The following GIPR variants were observed in gnomAD, a reference collection of about 807,000 sequenced individuals.
GIPR encodes the protein GIP-R.
Under a neutral mutation model 62.2 loss-of-function variants are expected in GIPR, and 74 were observed. The observed-to-expected ratio is 1.19, with a 90% confidence interval of 0.99 to 1.44. The LOEUF (loss-of-function observed/expected upper bound fraction) is 1.44. GIPR is among the 40% of genes most tolerant of loss of function. GIPR has a pLI of 0.00. For missense variants in GIPR, 664 were observed against 611.8 expected (o/e 1.09, Z -0.90); for synonymous variants, 256 against 262.2 (o/e 0.98, Z 0.23).
rs1387402382 is a variant in GIPR at position 45,670,689 on chromosome 19, C to G, written c.127C>G (p.Arg43Gly). 6.2e-7 allele frequency: 1 copy of G among 1,612,996 alleles called. No homozygotes were observed. The highest frequency in any genetic ancestry group is 8.5e-7 in the Non-Finnish European group (1 of 1,179,686). Residue 43 changes from arginine (R) to glycine (G), a missense_variant, in exon 3 of 14, where the codon CGC (arginine) becomes GGC (glycine). By Grantham distance (125) the Arg-to-Gly change is moderately radical. Coordinates refer to ENST00000590918, the MANE Select transcript of GIPR (RefSeq NM_000164.4). ...GCTGTACCAGCGCTGGGAACGGTAC[C>G]GCAGGGAGTGCCAGGAGACCTTGGC... ...GELYQRWERY[R>G]RECQETLAAA...
chr19:45,670,946 C>T (rs954028711), intron 3 of GIPR, among the ~76,000 whole-genome samples: 4 of 142,484 alleles, frequency 2.8e-5, no homozygotes, highest in African/African-American at 5.3e-5. Flanking sequence ...GAGCCTTGGG[C>T]GGGGCCTGCA....
Position 45,674,309 on chromosome 19 carries a change from T to C in GIPR, c.488+132T>C. 4.0e-6 allele frequency: 3 copies of C among 744,920 alleles called. 1 individual carries two copies. In the South Asian group the frequency reaches 4.2e-5, roughly 10 times the overall value. 46.1% of individuals were successfully genotyped at this position (744,920 alleles called of 1,614,324 possible). A position where few individuals can be genotyped will look rare whatever the true frequency, so the allele number is the denominator to read the frequency against. Reference sequence around the variant, plus strand: ...GTTCTATGGGGAGCAGTGGGGGTGGTTAAAGGAGCTCTGTGTGGCCGGGAG... The same window carrying C: ...GTTCTATGGGGAGCAGTGGGGGTGGCTAAAGGAGCTCTGTGTGGCCGGGAG... On this transcript the variant is annotated intron_variant, in intron 6 of 13. Transcript: ENST00000590918.
At chr19:45,680,145 G>T (rs1286564507) in intron 12 of GIPR, among the ~76,000 whole-genome samples, 1 of 152,130 alleles carries the variant, frequency 6.6e-6, no homozygotes, top group Non-Finnish European at 1.5e-5. Flanking sequence ...TCAGCACTTT[G>T]GAGGCCAAGG....
Position 45,677,056 on chromosome 19 carries a change from C to T in GIPR, c.741C>T (p.Leu247=). The change falls in exon 8 of 14, where the codon CTC becomes CTT. Residue 247 remains leucine, a synonymous_variant. Coordinates refer to ENST00000590918, the MANE Select transcript of GIPR (RefSeq NM_000164.4). ...EGVYLHSLLV[L]VGGSEEGHFR... ...TCTACCTGCACAGTCTCCTGGTGCTCGTGGGAGGCTCCGAGGAGGGCCACT... is the reference window on the plus strand; with the variant it reads ...TCTACCTGCACAGTCTCCTGGTGCTTGTGGGAGGCTCCGAGGAGGGCCACT... 6.2e-7 allele frequency: 1 copy of T among 1,613,956 alleles called. No homozygotes were observed. The highest frequency in any genetic ancestry group is 1.1e-5 in the South Asian group (1 of 91,086).
intron 2 of GIPR, chr19:45,670,161 G>A (rs2146064716): frequency 6.5e-6 from 1 of 154,682 alleles, no homozygotes; most frequent in East Asian, 2.0e-4. Context: ...CTCTCGAGTA[G>A]CTGGGACTAC....
chr19:45,668,518 C>T (rs1975376100), intron 1 of GIPR, among the ~76,000 whole-genome samples: 1 of 152,232 alleles, frequency 6.6e-6, no homozygotes, highest in Non-Finnish European at 1.5e-5. Context: ...TCTCCCTCCA[C>T]GTCTCTGCCT....
chr19:45,677,828 C>T, intron 10 of GIPR, 49 bp downstream of exon 10: 2 of 1,596,512 alleles, frequency 1.3e-6, no homozygotes, highest in South Asian at 1.1e-5. Flanking sequence ...ATTTCCCATT[C>T]TGGGAAGTGG....
chr19:45,674,942 G>A, intron 7 of GIPR, 116 bp downstream of exon 7: 1 of 1,093,682 alleles, frequency 9.1e-7, no homozygotes, highest in South Asian at 1.2e-5. Flanking sequence ...GAGTTGGGAG[G>A]GTCCCTCTCC....
rs755443584 is a variant in GIPR, at chr19:45,674,033, C to T, written c.385-41C>T. On this transcript the variant is annotated intron_variant, in intron 5 of 13. Coordinates refer to ENST00000590918, the MANE Select transcript of GIPR (RefSeq NM_000164.4). ...CAGTCTCTCTCTGGGCCTGGGGCTT[C>T]GAGCCAAGCCTTGTTCCCTTCCCCT... 9.2e-6 allele frequency: 11 copies of T among 1,194,212 alleles called. No homozygotes were observed. In the East Asian group the frequency reaches 9.3e-5, roughly 10 times the overall value. The allele number at this position is 1,194,212 out of a possible 1,614,324, so 74.0% of individuals were successfully genotyped here.
At chr19:45,671,640 C>T (rs1975545297) in intron 4 of GIPR, among the ~76,000 whole-genome samples, 1 of 152,188 alleles carries the variant, frequency 6.6e-6, no homozygotes, top group Non-Finnish European at 1.5e-5. Context: ...CGCTCTATCG[C>T]CCAGGCTGGA....
In GIPR at chr19:45,670,731, T is replaced by G; in HGVS notation, c.169T>G (p.Ser57Ala). The G allele has an allele frequency of 6.3e-7, 1 of 1,595,500 alleles. No individual in the cohort carries two copies. Among genetic ancestry groups the G allele is most frequent in the Non-Finnish European group, 8.6e-7 (1 of 1,169,356 alleles). The change falls in exon 3 of 14, where the codon TCA (serine) becomes GCA (alanine). Residue 57 changes from serine to alanine, a missense_variant. Transcript: ENST00000590918. ...GACCTTGGCAGCCGCGGAACCGCCT[T>G]CAGGTGTGACCAGGAGGGCTGGGGA... ...QETLAAAEPP[S>A]GLACNGSFDM...
intron 12 of GIPR, chr19:45,678,537 A>G: frequency 2.4e-6 from 1 of 422,164 alleles, no homozygotes. Flanking sequence ...CTAATTTTGT[A>G]TTTTTAGTAG....
chr19:45,674,724 C>G lies in GIPR; in HGVS notation c.531C>G (p.Phe177Leu). The G allele has an allele frequency of 6.2e-7, 1 of 1,614,012 alleles. No individual in the cohort carries two copies. The highest frequency in any genetic ancestry group is 1.1e-5 in the South Asian group (1 of 91,082). Reference sequence around the variant, plus strand: ...GAAACTATATCCACATCAACCTGTTCACGTCTTTCATGCTGCGAGCTGCGG... The same window carrying G: ...GAAACTATATCCACATCAACCTGTTGACGTCTTTCATGCTGCGAGCTGCGG... ...CTRNYIHINLFTSFMLRAAAI... is the reference protein window; with the variant it reads ...CTRNYIHINLLTSFMLRAAAI... Residue 177 changes from phenylalanine (F) to leucine (L), a missense_variant, in exon 7 of 14, where the codon TTC becomes TTG. Transcript: ENST00000590918.
At chr19:45,679,803 CTT>C (rs1218223072) in intron 12 of GIPR, among the ~76,000 whole-genome samples, 1 of 151,590 alleles carries the variant, frequency 6.6e-6, no homozygotes, top group African/African-American at 2.4e-5. Flanking sequence ...GAGTTTCACT[CTT>C]GTTGCCCAGG....
intron 1 of GIPR, 107 bp from the exon 2 acceptor site, chr19:45,669,370 A>G (rs1010454992): frequency 2.6e-6 from 3 of 1,132,082 alleles, no homozygotes; most frequent in Non-Finnish European, 3.8e-6. Context: ...TCCCGCGTGT[A>G]TACGGCTCCC....
chr19:45,674,289 A>G (rs1975715692), intron 6 of GIPR, 112 bp downstream of exon 6: 3 of 798,808 alleles, frequency 3.8e-6, no homozygotes, highest in Non-Finnish European at 4.4e-6. Context: ...TGGTGGTTCT[A>G]TGGGGAGCAG....
chr19:45,676,640 G>A (rs965991488), intron 7 of GIPR, among the ~76,000 whole-genome samples: 1 of 151,926 alleles, frequency 6.6e-6, no homozygotes, highest in Admixed American at 6.6e-5. Flanking sequence ...CACCATGTTG[G>A]CCAGGCTGGT....
chr19:45,682,017 G>A lies in GIPR; in HGVS notation c.*82G>A, dbSNP rs567290191. On this transcript the variant is annotated 3_prime_UTR_variant, in exon 14 of 14. Transcript: ENST00000590918. ...TGCCAGGCCCAGTACGGAGGACGCT[G>A]GGGAAATGGTGAAGGAAACAGAAAA... 5.6e-5 allele frequency: 68 copies of A among 1,211,698 alleles called. No individual in the cohort carries two copies. The highest frequency in any genetic ancestry group is 7.9e-5 in the Non-Finnish European group (66 of 840,526). 75.1% of individuals were successfully genotyped at this position (1,211,698 alleles called of 1,614,324 possible). A position where few individuals can be genotyped will look rare whatever the true frequency, so the allele number is the denominator to read the frequency against.
Position 45,674,136 on chromosome 19 carries a change from C to T in GIPR, c.447C>T (p.Leu149=), listed in dbSNP as rs372051070. ...VMYTVGYSLS[L]ATLLLALLIL... The stretch of plus-strand genomic sequence containing the variant: ...ACACTGTCGGCTACTCCCTGTCTCT[C>T]GCCACACTGCTGCTAGCCCTGCTCA... Residue 149 remains leucine, a synonymous_variant, in exon 6 of 14, where the codon CTC becomes CTT. Transcript: ENST00000590918. The T allele has an allele frequency of 2.2e-5, 35 of 1,613,476 alleles. No individual in the cohort carries two copies. Among genetic ancestry groups the T allele is most frequent in the Admixed American group, 5.0e-5 (3 of 59,978 alleles).
Sources: gnomAD v4.1 joint callset for allele counts (sites outside exome capture counted in the v4.1 genomes callset) on GRCh38, gnomAD v4.1.1 for gene constraint, MANE v1.5 for transcripts, NCBI Gene and HGNC (gene_info 2026-07-23, HGNC 2026-07-21) for gene names.